Variants in NBEAL1 observed in about 807,000 individuals in gnomAD.
NBEAL1 encodes the protein neurobeachin-like protein 1.
NBEAL1 carries 273 observed loss-of-function variants against 351.3 expected under a neutral mutation model. The ratio of observed to expected loss-of-function variants is 0.78; its 90% CI spans 0.70 to 0.86. The LOEUF is 0.86. NBEAL1 is among the 40% of genes least tolerant of loss of function. The probability of loss-of-function intolerance (pLI) is 0.00; values close to 1 mark genes in which losing one functional copy is unlikely to be tolerated. For synonymous variants in NBEAL1, 1,050 were observed against 1,086.4 expected (o/e 0.97, Z 0.66); for missense variants, 2,961 against 3,201.3 (o/e 0.92, Z 1.81).
chr2:203,143,757 A>G (rs2063440773), intron 31 of NBEAL1, among the ~76,000 whole-genome samples: 1 of 152,114 alleles, frequency 6.6e-6, no homozygotes, highest in Non-Finnish European at 1.5e-5. Context: ...TGCCTTTGTT[A>G]TGAACTAGAT....
intron 2 of NBEAL1, among the ~76,000 whole-genome samples, chr2:203,024,103 G>A (rs1358941588): frequency 6.6e-6 from 1 of 151,738 alleles, no homozygotes; most frequent in African/African-American, 2.4e-5. Context: ...GGGCAGGGTG[G>A]GAGATTTGCT....
intron 54 of NBEAL1, 63 bp downstream of exon 54, chr2:203,211,169 G>A: frequency 8.8e-7 from 1 of 1,140,826 alleles, no homozygotes; most frequent in Non-Finnish European, 1.2e-6. Flanking sequence ...AGTCTAGAGT[G>A]AAAATCAGGA....
chr2:203,024,311 A>G (rs994221100), intron 2 of NBEAL1, among the ~76,000 whole-genome samples: 1 of 152,102 alleles, frequency 6.6e-6, no homozygotes, highest in African/African-American at 2.4e-5. Context: ...TAATCCCAGC[A>G]TTTTGGGAGG....
At position 203,144,814 on chromosome 2, in the gene NBEAL1, C is replaced by T. The variant is rs372750746; in HGVS notation, c.5063C>T (p.Ser1688Phe). 2 of 1,613,984 alleles carry T rather than the reference C, an allele frequency of 1.2e-6. No homozygotes were observed. The highest frequency in any genetic ancestry group is 1.7e-6 in the Non-Finnish European group (2 of 1,179,880). ...CTCTTCATGAACTTGCACCTACCTT[C>T]TTTACCTTTTACCAATGGTAGCTCC... ...ELLFMNLHLP[S>F]LPFTNGSSSF... The change falls in exon 32 of 56, where the codon TCT becomes TTT. Residue 1688 changes from serine (S) to phenylalanine (F), a missense_variant. By Grantham distance (155) the Ser-to-Phe change is radical. Transcript: ENST00000683969.
intron 42 of NBEAL1, among the ~76,000 whole-genome samples, chr2:203,179,914 C>T (rs2064649718): frequency 6.6e-6 from 1 of 152,094 alleles, no homozygotes; most frequent in African/African-American, 2.4e-5. Context: ...GCTGGGATTA[C>T]AGGTGTGTGC....
chr2:203,163,154 C>G (rs543459784), intron 36 of NBEAL1, among the ~76,000 whole-genome samples: 1 of 152,090 alleles, frequency 6.6e-6, no homozygotes, highest in Non-Finnish European at 1.5e-5. Flanking sequence ...AAGACTCCAT[C>G]TCAAAAAAGA....
chr2:203,120,957 G>A (rs2062816329), intron 18 of NBEAL1, among the ~76,000 whole-genome samples: 1 of 152,278 alleles, frequency 6.6e-6, no homozygotes, highest in Non-Finnish European at 1.5e-5. Flanking sequence ...CATCATGTGC[G>A]CTAAAATTTG....
chr2:203,057,601 G>A, intron 6 of NBEAL1, 148 bp downstream of exon 6: 2 of 613,378 alleles, frequency 3.3e-6, no homozygotes, highest in Non-Finnish European at 5.4e-6. Flanking sequence ...TATGTTGGAG[G>A]GAATGAATTA....
chr2:203,209,830 C>T (rs530165943), intron 53 of NBEAL1, among the ~76,000 whole-genome samples: 2 of 151,510 alleles, frequency 1.3e-5, no homozygotes, highest in African/African-American at 2.4e-5. Flanking sequence ...CTCACTTTGG[C>T]CTCAAACTCC....
In NBEAL1 at chr2:203,210,963, GA is replaced by G. The variant is rs1355317254; in HGVS notation, c.7793del (p.Asn2598MetfsTer8). ...TEEKTTLKDK[N>X]ALHLFSINGK... ...TTTTCCTTAATTCTTTTCAGGATAA[GA>G]ATGCATTACATCTGTTTTCTATAAA... On this transcript the variant is annotated frameshift_variant, in exon 54 of 56. Coordinates refer to ENST00000683969, the MANE Select transcript of NBEAL1 (RefSeq NM_001378026.1). LOFTEE classifies it high-confidence loss of function. 6.4e-7 allele frequency: 1 copy of G among 1,568,488 alleles called. No homozygotes were observed. The highest frequency in any genetic ancestry group is 1.9e-5 in the Admixed American group (1 of 52,456).
At chr2:203,199,712 C>T (rs542889842) in intron 49 of NBEAL1, among the ~76,000 whole-genome samples, 168 of 152,074 alleles carry the variant, frequency 1.1e-3, no homozygotes, top group African/African-American at 3.8e-3. Context: ...AACCCTTGAC[C>T]TCAAGTGATC....
chr2:203,132,069 C>G lies in NBEAL1; in HGVS notation c.3661C>G (p.Leu1221Val), dbSNP rs1360931733. 13 of 1,551,616 alleles carry G rather than the reference C, an allele frequency of 8.4e-6. No homozygotes were observed. The East Asian group carries it at 1.9e-4, about 23-fold the overall frequency. The change falls in exon 26 of 56, where the codon CTT becomes GTT. Residue 1221 changes from leucine to valine, a missense_variant. By Grantham distance (32) the Leu-to-Val change is conservative. Coordinates refer to ENST00000683969, the MANE Select transcript of NBEAL1 (RefSeq NM_001378026.1). ...TGGCTACTCGGGACTGGGACTCCTT[C>G]TTAATGAAGCACTTGTTAATACTTC... ...EVGYSGLGLL[L>V]NEALVNTSLI...
chr2:203,198,005 A>AT (rs916572437), intron 48 of NBEAL1, among the ~76,000 whole-genome samples: 35 of 141,460 alleles, frequency 2.5e-4, no homozygotes, highest in South Asian at 4.3e-4. Context: ...TTATATATAT[A>AT]TTTTTTTTTC....
intron 36 of NBEAL1, among the ~76,000 whole-genome samples, chr2:203,160,750 C>T (rs1290198250): frequency 3.9e-5 from 6 of 152,142 alleles, no homozygotes; most frequent in Non-Finnish European, 8.8e-5. Context: ...TTCTGTAGAG[C>T]CTGTTTTAAC....
chr2:203,111,568 C>T (rs774572759), intron 15 of NBEAL1, among the ~76,000 whole-genome samples: 17 of 152,088 alleles, frequency 1.1e-4, no homozygotes, highest in Non-Finnish European at 2.5e-4. Context: ...GGTGGGGTTT[C>T]ACCATGTTGG....
chr2:203,149,729 TATC>T (rs2063602006), intron 34 of NBEAL1, among the ~76,000 whole-genome samples: 1 of 152,112 alleles, frequency 6.6e-6, no homozygotes, highest in African/African-American at 2.4e-5. Flanking sequence ...CACTCCTTAT[TATC>T]CTCTGTCCCA....
At chr2:203,108,468 G>A (rs945904993) in intron 14 of NBEAL1, among the ~76,000 whole-genome samples, 30 of 151,484 alleles carry the variant, frequency 2.0e-4, no homozygotes, top group South Asian at 1.3e-3. Context: ...GCGTGATCTC[G>A]GCTCACTGCA....
In NBEAL1 at chr2:203,169,779, A is replaced by G. The variant is rs1319771890; in HGVS notation, c.6030A>G (p.Ser2010=). 1.7e-5 allele frequency: 28 copies of G among 1,610,202 alleles called. No individual in the cohort carries two copies. In the East Asian group the frequency reaches 6.0e-4, roughly 35 times the overall value. Residue 2010 remains serine, a synonymous_variant, in exon 39 of 56, where the codon TCA becomes TCG. Coordinates refer to ENST00000683969, the MANE Select transcript of NBEAL1 (RefSeq NM_001378026.1). ...VRNKIYSRLL[S]LHSPNSYYGS... ...ACAAAATATATAGCCGACTGTTGTCACTTCATTCCCCAAATAGTTATTATG... is the reference window on the plus strand; with the variant it reads ...ACAAAATATATAGCCGACTGTTGTCGCTTCATTCCCCAAATAGTTATTATG...
intron 4 of NBEAL1, among the ~76,000 whole-genome samples, chr2:203,056,000 A>G (rs764296981): frequency 3.3e-5 from 5 of 152,234 alleles, no homozygotes; most frequent in Admixed American, 6.5e-5. Context: ...GAAAATGATT[A>G]TAGTGCACAT....
Sources: allele counts gnomAD v4.1 joint callset (sites outside exome capture counted in the v4.1 genomes callset), GRCh38; gene constraint gnomAD v4.1.1; transcripts MANE v1.5; gene names NCBI Gene and HGNC (gene_info 2026-07-23, HGNC 2026-07-21).